Variants in TMEM233 observed in about 807,000 individuals in gnomAD.
TMEM233 encodes the protein dispanin subfamily B member 2.
TMEM233 carries 6 observed loss-of-function variants against 11.2 expected under a neutral mutation model. The ratio of observed to expected loss-of-function variants is 0.54; its 90% CI spans 0.29 to 1.06. TMEM233 has a LOEUF of 1.06. Among genes scored for constraint, TMEM233 ranks in the 50% least tolerant of loss-of-function variants. The pLI is 0.08. For synonymous variants in TMEM233, 59 were observed against 55.8 expected (o/e 1.06, Z -0.26); for missense variants, 127 against 144.7 (o/e 0.88, Z 0.63).
chr12:119,634,841 C>T (rs1388787260), intron 2 of TMEM233, among the ~76,000 whole-genome samples: 2 of 152,218 alleles, frequency 1.3e-5, no homozygotes, highest in African/African-American at 2.4e-5. Context: ...AAAAAGCTCT[C>T]ATTCGTCCTA....
the TMEM233 span, among the ~76,000 whole-genome samples, chr12:119,651,554 C>A: frequency 6.6e-6 from 1 of 151,952 alleles, no homozygotes; most frequent in Non-Finnish European, 1.5e-5. Flanking sequence ...TGCAGTGGCT[C>A]ACACCTATAA....
the TMEM233 span, among the ~76,000 whole-genome samples, chr12:119,650,952 G>A: frequency 0.013 from 1,934 of 152,174 alleles, 46 homozygotes; most frequent in African/African-American, 0.044. Flanking sequence ...CTGCTTATTC[G>A]ATATTTAAGA....
chr12:119,629,851 G>A lies in TMEM233; in HGVS notation c.302G>A (p.Cys101Tyr). The change falls in exon 2 of 3, where the codon TGT (cysteine) becomes TAT (tyrosine). Residue 101 changes from cysteine to tyrosine, a missense_variant. Transcript: ENST00000426426. ...IIGLLIIGISCAVHFTRNA is the reference protein window; with the variant it reads ...IIGLLIIGISYAVHFTRNA ...GGCCTTCTCATCATCGGCATTTCTT[G>A]TGCAGTTCACTTCACAAGGAAGTAA... 1.3e-6 allele frequency: 2 copies of A among 1,551,400 alleles called. No individual in the cohort carries two copies. The highest frequency in any genetic ancestry group is 8.7e-7 in the Non-Finnish European group (1 of 1,146,900).
intron 1 of TMEM233, among the ~76,000 whole-genome samples, chr12:119,617,651 T>G (rs545780514): frequency 6.6e-6 from 1 of 152,136 alleles, no homozygotes; most frequent in South Asian, 2.1e-4. Flanking sequence ...CTGACCAAAA[T>G]AGAGAAACCC....
intron 1 of TMEM233, among the ~76,000 whole-genome samples, chr12:119,598,291 T>C (rs1394435287): frequency 6.6e-6 from 1 of 152,232 alleles, no homozygotes. Context: ...CTATTGGTTT[T>C]GTAGCTGGAA....
intron 1 of TMEM233, among the ~76,000 whole-genome samples, chr12:119,614,058 A>G (rs1954470125): frequency 1.3e-5 from 2 of 151,990 alleles, no homozygotes. Flanking sequence ...AGAATGAAGA[A>G]TGTGAGTTTC....
chr12:119,613,302 G>A (rs1413707242), intron 1 of TMEM233, among the ~76,000 whole-genome samples: 1 of 151,920 alleles, frequency 6.6e-6, no homozygotes, highest in Non-Finnish European at 1.5e-5. Flanking sequence ...TATATTAAGG[G>A]AATGCTAGGT....
chr12:119,624,712 G>A (rs1237880230), intron 1 of TMEM233, among the ~76,000 whole-genome samples: 3 of 152,158 alleles, frequency 2.0e-5, no homozygotes, highest in Non-Finnish European at 2.9e-5. Flanking sequence ...TATTTTACAG[G>A]TATGGAGTTT....
At chr12:119,614,356 G>C (rs1954476483) in intron 1 of TMEM233, among the ~76,000 whole-genome samples, 1 of 151,970 alleles carries the variant, frequency 6.6e-6, no homozygotes, top group Non-Finnish European at 1.5e-5. Context: ...TCAGTGAGCC[G>C]AGATTGCACC....
At chr12:119,609,536 G>T (rs1735202795) in intron 1 of TMEM233, among the ~76,000 whole-genome samples, 1 of 152,186 alleles carries the variant, frequency 6.6e-6, no homozygotes, top group Non-Finnish European at 1.5e-5. Flanking sequence ...GGAGGCTTAG[G>T]AGGGAAAAAT....
chr12:119,622,508 T>C (rs1254029964), intron 1 of TMEM233, among the ~76,000 whole-genome samples: 1 of 152,190 alleles, frequency 6.6e-6, no homozygotes. Flanking sequence ...ACCATGCATT[T>C]TCTCTAAAAT....
At chr12:119,634,472 G>A (rs2136788048) in intron 2 of TMEM233, among the ~76,000 whole-genome samples, 1 of 152,122 alleles carries the variant, frequency 6.6e-6, no homozygotes, top group East Asian at 1.9e-4. Flanking sequence ...AATTAGCTGG[G>A]TTTGGTGGCG....
intron 1 of TMEM233, among the ~76,000 whole-genome samples, chr12:119,619,218 G>C (rs1208476064): frequency 6.6e-6 from 1 of 152,140 alleles, no homozygotes; most frequent in East Asian, 1.9e-4. Flanking sequence ...GGCCTCCCCA[G>C]CCATGCTGAA....
intron 1 of TMEM233, among the ~76,000 whole-genome samples, chr12:119,599,444 C>T (rs1054857502): frequency 1.3e-4 from 20 of 149,142 alleles, no homozygotes; most frequent in African/African-American, 3.9e-4. Context: ...TAAAAAAAAT[C>T]GTAGTAAATG....
chr12:119,632,301 G>T (rs10774508), intron 2 of TMEM233, among the ~76,000 whole-genome samples: 1 of 151,948 alleles, frequency 6.6e-6, no homozygotes, highest in East Asian at 1.9e-4. Flanking sequence ...CTTGCCCAAA[G>T]CCTCACAGCT....
the TMEM233 span, among the ~76,000 whole-genome samples, chr12:119,649,804 T>C: frequency 7.0e-6 from 1 of 142,350 alleles, no homozygotes; most frequent in African/African-American, 2.6e-5. Context: ...GTCTCTATAT[T>C]CTACAATTCT....
At position 119,595,296 on chromosome 12, in the gene TMEM233, C is replaced by A. The variant is rs1413631634; in HGVS notation, c.186+1262C>A. On this transcript the variant is annotated intron_variant, in intron 1 of 2. Transcript: ENST00000426426. The surrounding 1 kb of genome is among the most constrained non-coding windows in gnomAD (Gnocchi z 4.3). ...TCGCCTGCAGCTGGGCCACGGAACT[C>A]CCCGGCCACAGACGCAGAGCCCTGA... 6.6e-6 allele frequency among the ~76,000 whole-genome samples: 1 copy of A among 152,246 alleles called. No homozygotes were observed. Among genetic ancestry groups the A allele is most frequent in the Non-Finnish European group, 1.5e-5 (1 of 68,042 alleles).
chr12:119,651,410 A>C, the TMEM233 span, among the ~76,000 whole-genome samples: 3 of 152,176 alleles, frequency 2.0e-5, no homozygotes, highest in Non-Finnish European at 2.9e-5. Context: ...TCTTACTGTA[A>C]CAGTTAGGTC....
chr12:119,653,379 G>A, the TMEM233 span, among the ~76,000 whole-genome samples: 43 of 108,292 alleles, frequency 4.0e-4, no homozygotes, highest in African/African-American at 1.3e-3. Context: ...GTGACAGAGC[G>A]AGACGCCACC....
Sources: gnomAD v4.1 joint callset for allele counts (sites outside exome capture counted in the v4.1 genomes callset) on GRCh38, gnomAD v4.1.1 for gene constraint, Gnocchi (gnomAD v3.1) non-coding constraint, MANE v1.5 for transcripts, NCBI Gene and HGNC (gene_info 2026-07-23, HGNC 2026-07-21) for gene names.